STK32B: variants seen among roughly 807,000 people sequenced by gnomAD.
The protein encoded by STK32B is serine/threonine kinase 32B.
In STK32B, 43 loss-of-function variants were observed where a neutral mutation model predicts 52.6. That is an observed-to-expected ratio of 0.82 (90% CI 0.64 to 1.05). The LOEUF is 1.05. STK32B is among the 50% of genes least tolerant of loss of function. The probability of loss-of-function intolerance (pLI) is 0.00; values close to 1 mark genes in which losing one functional copy is unlikely to be tolerated. For missense variants in STK32B, 621 were observed against 534.6 expected, an observed-to-expected ratio of 1.16 and a Z score of -1.59; for synonymous variants, 238 against 204.3, an observed-to-expected ratio of 1.17 and a Z score of -1.41.
Position 5,382,793 on chromosome 4 carries a change from T to C in STK32B, c.435-15414T>C, listed in dbSNP as rs192853853. Among the ~76,000 whole-genome samples the C allele has an allele frequency of 1.1e-3, 169 of 152,288 alleles. 1 individual carries two copies. In the South Asian group the frequency reaches 0.019, roughly 17 times the overall value. ...GGACTCATTCTTTTTTATGCAACAT[T>C]GCATTTAATTCTCACAACAGCCGTT... On this transcript the variant is annotated intron_variant, in intron 4 of 11. Coordinates refer to ENST00000282908, the MANE Select transcript of STK32B (RefSeq NM_018401.3).
At chr4:5,097,300 T>C (rs1016815838) in intron 1 of STK32B, among the ~76,000 whole-genome samples, 4 of 152,246 alleles carry the variant, frequency 2.6e-5, no homozygotes, top group Non-Finnish European at 5.9e-5. Context: ...TAAATGCATA[T>C]ACCTTGAAAA....
chr4:5,056,174 A>G (rs913785125), intron 1 of STK32B, among the ~76,000 whole-genome samples: 4 of 152,120 alleles, frequency 2.6e-5, no homozygotes, highest in Non-Finnish European at 5.9e-5. Context: ...TGCACTCCTT[A>G]TGAGAATCTA....
chr4:5,178,544 G>A (rs557349666), intron 3 of STK32B, among the ~76,000 whole-genome samples: 40 of 152,272 alleles, frequency 2.6e-4, no homozygotes, highest in Non-Finnish European at 4.3e-4. Context: ...TTTCTTCCCC[G>A]AAAATGGGTT....
intron 3 of STK32B, among the ~76,000 whole-genome samples, chr4:5,219,058 T>G (rs965034368): frequency 6.6e-6 from 1 of 152,258 alleles, no homozygotes; most frequent in African/African-American, 2.4e-5. Flanking sequence ...CCATTGATGG[T>G]GGACCTCACT....
In STK32B at chr4:5,386,280, C is replaced by T. The variant is rs1326232457; in HGVS notation, c.435-11927C>T. On this transcript the variant is annotated intron_variant, in intron 4 of 11. Coordinates refer to ENST00000282908, the MANE Select transcript of STK32B (RefSeq NM_018401.3). The surrounding 1 kb of genome is among the most constrained non-coding windows in gnomAD (Gnocchi z 4.5). ...TGTTTTCTTAGCTCCTGGGTAAGCT[C>T]CAGAAGGCAGGTCTCAGTAAGTATA... Among the ~76,000 whole-genome samples the T allele has an allele frequency of 2.0e-5, 3 of 152,034 alleles. No homozygotes were observed. Among genetic ancestry groups the T allele is most frequent in the Non-Finnish European group, 4.4e-5 (3 of 68,026 alleles).
Position 5,386,201 on chromosome 4 carries a change from C to A in STK32B, c.435-12006C>A, listed in dbSNP as rs533144422. Among the ~76,000 whole-genome samples, 1 of 152,152 alleles carries A rather than the reference C, an allele frequency of 6.6e-6. No individual in the cohort carries two copies. The highest frequency in any genetic ancestry group is 1.9e-4 in the East Asian group (1 of 5,170). On this transcript the variant is annotated intron_variant, in intron 4 of 11. Transcript: ENST00000282908. The surrounding 1 kb of genome is among the most constrained non-coding windows in gnomAD (Gnocchi z 4.5). ...CTCTCACACAGCACCCTCACTCTCCCCCTCTATTTCCCTCAGCGTATCATA... is the reference window on the plus strand; with the variant it reads ...CTCTCACACAGCACCCTCACTCTCCACCTCTATTTCCCTCAGCGTATCATA...
At chr4:5,322,081 C>T (rs918817977) in intron 3 of STK32B, among the ~76,000 whole-genome samples, 2 of 151,418 alleles carry the variant, frequency 1.3e-5, no homozygotes, top group African/African-American at 4.9e-5. Flanking sequence ...CACCTGTAAT[C>T]CCAGCACTTT....
At chr4:5,174,708 G>A (rs1030379454) in intron 3 of STK32B, among the ~76,000 whole-genome samples, 5 of 152,128 alleles carry the variant, frequency 3.3e-5, no homozygotes, top group South Asian at 2.1e-4. Context: ...TGGGTAACCC[G>A]ACCTTTCTCT....
chr4:5,395,884 G>T lies in STK32B; in HGVS notation c.435-2323G>T, dbSNP rs1736856043. Among the ~76,000 whole-genome samples the T allele has an allele frequency of 6.6e-6, 1 of 152,206 alleles. No homozygotes were observed. The highest frequency in any genetic ancestry group is 2.1e-4 in the South Asian group (1 of 4,830). On this transcript the variant is annotated intron_variant, in intron 4 of 11. Coordinates refer to ENST00000282908, the MANE Select transcript of STK32B (RefSeq NM_018401.3). This position sits in a 1 kb window ranked among gnomAD's most constrained non-coding sequence, Gnocchi z 4.4. Reference sequence around the variant, plus strand: ...CTTTCCTTGGCTCTGTGGGGTCTAGGGACCAAGGTGGCCACATCCGTGCCC... The same window carrying T: ...CTTTCCTTGGCTCTGTGGGGTCTAGTGACCAAGGTGGCCACATCCGTGCCC...
rs1717804144 is a variant in STK32B, at chr4:5,470,901, C to T, written c.1106+2831C>T. On this transcript the variant is annotated intron_variant, in intron 11 of 11. Transcript: ENST00000282908. This position sits in a 1 kb window ranked among gnomAD's most constrained non-coding sequence, Gnocchi z 4.6. Reference sequence around the variant, plus strand: ...TCCCCACTTGAGCAGTGTAGTGAGTCGAGGGCTGGTCAGGGGGAGCCAAGC... The same window carrying T: ...TCCCCACTTGAGCAGTGTAGTGAGTTGAGGGCTGGTCAGGGGGAGCCAAGC... Among the ~76,000 whole-genome samples, 1 of 152,224 alleles carries T rather than the reference C, an allele frequency of 6.6e-6. No homozygotes were observed. The highest frequency in any genetic ancestry group is 6.5e-5 in the Admixed American group (1 of 15,288).
chr4:5,396,287 G>T lies in STK32B; in HGVS notation c.435-1920G>T, dbSNP rs1736915785. 6.6e-6 allele frequency among the ~76,000 whole-genome samples: 1 copy of T among 152,130 alleles called. No homozygotes were observed. On this transcript the variant is annotated intron_variant, in intron 4 of 11. Transcript: ENST00000282908. This position sits in a 1 kb window ranked among gnomAD's most constrained non-coding sequence, Gnocchi z 4.7. The stretch of plus-strand genomic sequence containing the variant: ...TCTGGTTCATGGCTGCATCACTCCA[G>T]TATCTGCTTCCATCTCCCCATGGCC...
chr4:5,059,202 C>A (rs1307973462), intron 1 of STK32B, among the ~76,000 whole-genome samples: 1 of 151,712 alleles, frequency 6.6e-6, no homozygotes, highest in African/African-American at 2.4e-5. Flanking sequence ...TGCTCTTTTG[C>A]TGTCTTAAGC....
At chr4:5,252,845 A>C (rs1726035322) in intron 3 of STK32B, among the ~76,000 whole-genome samples, 1 of 152,106 alleles carries the variant, frequency 6.6e-6, no homozygotes, top group African/African-American at 2.4e-5. Flanking sequence ...GTGATTAATA[A>C]AGTGCCTGGT....
chr4:5,319,753 A>G (rs1022811025), intron 3 of STK32B, among the ~76,000 whole-genome samples: 1 of 152,190 alleles, frequency 6.6e-6, no homozygotes, highest in African/African-American at 2.4e-5. Context: ...GTTACAGGGT[A>G]TGAAATGTCT....
At chr4:5,271,568 G>A (rs1024193070) in intron 3 of STK32B, among the ~76,000 whole-genome samples, 1 of 148,322 alleles carries the variant, frequency 6.7e-6, no homozygotes, top group Non-Finnish European at 1.5e-5. Flanking sequence ...GATGGGGATG[G>A]CATTGAATCT....
At chr4:5,324,842 T>C (rs1215955407) in intron 3 of STK32B, among the ~76,000 whole-genome samples, 1 of 152,210 alleles carries the variant, frequency 6.6e-6, no homozygotes, top group Non-Finnish European at 1.5e-5. Flanking sequence ...GGACTTGTCC[T>C]AACATGACGG....
chr4:5,118,578 C>T (rs1489027351), intron 1 of STK32B, among the ~76,000 whole-genome samples: 1 of 152,222 alleles, frequency 6.6e-6, no homozygotes, highest in Non-Finnish European at 1.5e-5. Context: ...GAGTCCTGCC[C>T]TGGCCACCTG....
At chr4:5,175,165 G>A (rs1719744127) in intron 3 of STK32B, among the ~76,000 whole-genome samples, 1 of 152,022 alleles carries the variant, frequency 6.6e-6, no homozygotes, top group East Asian at 1.9e-4. Context: ...GTCCTTTAAG[G>A]ACTTCTCTGC....
chr4:5,483,648 C>G (rs1408107447), intron 11 of STK32B, among the ~76,000 whole-genome samples: 1 of 152,026 alleles, frequency 6.6e-6, no homozygotes, highest in Non-Finnish European at 1.5e-5. Context: ...TGTGTTTGCT[C>G]TTGCTTTTCT....
Sources: gnomAD v4.1 joint callset for allele counts (sites outside exome capture counted in the v4.1 genomes callset) on GRCh38, gnomAD v4.1.1 for gene constraint, Gnocchi (gnomAD v3.1) non-coding constraint, MANE v1.5 for transcripts, NCBI Gene and HGNC (gene_info 2026-07-23, HGNC 2026-07-21) for gene names.